The following IRAK1BP1 variants were observed in gnomAD, a reference collection of about 807,000 sequenced individuals.
IRAK1BP1 encodes the protein interleukin 1 receptor associated kinase 1 binding protein 1, also known as interleukin-1 receptor-associated kinase 1-binding protein 1.
A neutral mutation model predicts 28.0 loss-of-function variants in IRAK1BP1; 24 were observed. The observed-to-expected ratio is 0.86, with a 90% CI of 0.62 to 1.20. IRAK1BP1 has a LOEUF of 1.20. Ranked by LOEUF, IRAK1BP1 falls within the 50% of genes most tolerant of loss-of-function variation. The probability of loss-of-function intolerance (pLI) is 0.00; values close to 1 mark genes in which losing one functional copy is unlikely to be tolerated. For missense variants in IRAK1BP1, 336 were observed against 316.7 expected (o/e 1.06, Z -0.46); for synonymous variants, 131 against 116.3 (o/e 1.13, Z -0.81).
At chr6:78,954,682 G>C in the IRAK1BP1 span, 1 of 596,650 alleles carries the variant, frequency 1.7e-6, no homozygotes, top group Non-Finnish European at 2.7e-6. Flanking sequence ...GTAGCCAAAT[G>C]GATAATGAGA....
intron 1 of IRAK1BP1, among the ~76,000 whole-genome samples, chr6:78,869,872 G>T (rs1770730525): frequency 6.6e-6 from 1 of 151,732 alleles, no homozygotes; most frequent in Non-Finnish European, 1.5e-5. Flanking sequence ...ACTTTGGGAG[G>T]CCGAGGAGGG....
downstream of IRAK1BP1, among the ~76,000 whole-genome samples, chr6:78,905,500 G>A (rs944791675): frequency 1.3e-5 from 2 of 152,182 alleles, no homozygotes; most frequent in Admixed American, 1.3e-4. Context: ...TGAAGAAACA[G>A]TAAATTCCTT....
chr6:78,883,859 C>T (rs1218726710), intron 1 of IRAK1BP1, among the ~76,000 whole-genome samples: 9 of 152,046 alleles, frequency 5.9e-5, no homozygotes, highest in East Asian at 1.9e-4. Context: ...AGTGTGTATC[C>T]GTACTGTATG....
At chr6:78,952,205 G>A in the IRAK1BP1 span, among the ~76,000 whole-genome samples, 4 of 151,988 alleles carry the variant, frequency 2.6e-5, no homozygotes, top group East Asian at 3.9e-4. Context: ...CAGATCACAA[G>A]GTCAAGAGAT....
chr6:78,963,191 T>A, the IRAK1BP1 span: 5 of 1,610,884 alleles, frequency 3.1e-6, no homozygotes, highest in Non-Finnish European at 4.2e-6. Context: ...GTTTATAGAT[T>A]AGTGATCTGC....
chr6:78,974,563 C>T, the IRAK1BP1 span, among the ~76,000 whole-genome samples: 5 of 151,908 alleles, frequency 3.3e-5, no homozygotes, highest in Non-Finnish European at 4.4e-5. Context: ...ACAAAAAACC[C>T]TTCAAAAAAT....
chr6:78,969,318 T>C, the IRAK1BP1 span, among the ~76,000 whole-genome samples: 12 of 152,192 alleles, frequency 7.9e-5, no homozygotes, highest in Non-Finnish European at 1.5e-4. Flanking sequence ...ACTGGTCCTA[T>C]ATGAAATTTT....
chr6:78,904,241 A>G (rs971935841), downstream of IRAK1BP1, among the ~76,000 whole-genome samples: 33 of 152,344 alleles, frequency 2.2e-4, no homozygotes, highest in Admixed American at 2.0e-3. Context: ...GCAACAACAT[A>G]CATTCTGTTG....
intron 4 of IRAK1BP1, among the ~76,000 whole-genome samples, chr6:78,917,152 G>C (rs1160670123): frequency 2.0e-5 from 3 of 151,802 alleles, no homozygotes; most frequent in Non-Finnish European, 4.4e-5. Flanking sequence ...TCCAAGACAA[G>C]GTTGAAAATA....
At chr6:78,868,130 A>G (rs930459196) in intron 1 of IRAK1BP1, among the ~76,000 whole-genome samples, 1 of 152,198 alleles carries the variant, frequency 6.6e-6, no homozygotes, top group Non-Finnish European at 1.5e-5. Flanking sequence ...AAAGAATGCA[A>G]ATTGGGTAGG....
the IRAK1BP1 span, chr6:78,956,265 T>C: frequency 6.6e-6 from 1 of 152,278 alleles, no homozygotes; most frequent in African/African-American, 2.4e-5. Context: ...TGGTTTTTCA[T>C]TATTCTTTCC....
intron 4 of IRAK1BP1, among the ~76,000 whole-genome samples, chr6:78,926,946 G>A (rs1772906042): frequency 1.3e-5 from 2 of 152,138 alleles, no homozygotes; most frequent in African/African-American, 2.4e-5. Context: ...CCATTCATTT[G>A]TTGATGGACA....
the IRAK1BP1 span, chr6:78,954,756 C>A: frequency 9.6e-7 from 1 of 1,043,110 alleles, no homozygotes; most frequent in Non-Finnish European, 1.4e-6. Flanking sequence ...AGCCAACTGT[C>A]ATGTAAAAGG....
chr6:78,957,742 T>C, the IRAK1BP1 span: 1 of 151,908 alleles, frequency 6.6e-6, no homozygotes, highest in Non-Finnish European at 1.5e-5. Context: ...TTGTACAAAA[T>C]ATAGAATTCA....
At chr6:78,973,378 C>T in the IRAK1BP1 span, among the ~76,000 whole-genome samples, 91 of 150,010 alleles carry the variant, frequency 6.1e-4, no homozygotes, top group South Asian at 6.9e-3. Context: ...CTGAAGGAAG[C>T]GCTAAACATG....
At chr6:78,947,499 GACA>G (rs2127683480), downstream of IRAK1BP1, 2 of 556,598 alleles carry the variant, frequency 3.6e-6, no homozygotes, top group Non-Finnish European at 6.3e-6. Context: ...TTTCCAGTAG[GACA>G]ACATTAAGAA....
intron 4 of IRAK1BP1, among the ~76,000 whole-genome samples, chr6:78,927,200 C>T (rs1046611704): frequency 3.3e-5 from 5 of 152,108 alleles, no homozygotes; most frequent in Admixed American, 6.6e-5. Context: ...CACATCCTCG[C>T]CAACATTTGT....
rs1004218174 is a variant in IRAK1BP1, at chr6:78,901,787, C to T, written c.*3453C>T. The T allele has an allele frequency of 1.6e-4, 24 of 152,148 alleles. No homozygotes were observed. Among genetic ancestry groups the T allele is most frequent in the African/African-American group, 4.3e-4 (18 of 41,526 alleles). 9.4% of individuals were successfully genotyped at this position (152,148 alleles called of 1,614,324 possible). On this transcript the variant is annotated 3_prime_UTR_variant, in exon 4 of 4. Transcript: ENST00000369940. Reference sequence around the variant, plus strand: ...TACTTTTATCAGTATTCTTATTTGACGGTCAATTTGAGTTCAGTGTAAACA... The same window carrying T: ...TACTTTTATCAGTATTCTTATTTGATGGTCAATTTGAGTTCAGTGTAAACA...
Position 78,898,252 on chromosome 6 carries a change from A to C in IRAK1BP1, c.701A>C (p.Lys234Thr). The change falls in exon 4 of 4, where the codon AAA becomes ACA. Residue 234 changes from lysine (K) to threonine (T), a missense_variant. Lys to Thr is a moderately conservative substitution (Grantham distance 78, BLOSUM62 -1). Coordinates refer to ENST00000369940, the MANE Select transcript of IRAK1BP1 (RefSeq NM_001010844.4). ...SSSLTVQQKI[K>T]SATIHAASKV... is the part of the protein sequence containing the mutation. ...TCATTAACTGTACAACAAAAAATCAAAAGTGCAACAATACATGCTGCTTCA... is the reference window on the plus strand; with the variant it reads ...TCATTAACTGTACAACAAAAAATCACAAGTGCAACAATACATGCTGCTTCA... 6.2e-7 allele frequency: 1 copy of C among 1,613,372 alleles called. No homozygotes were observed. Among genetic ancestry groups the C allele is most frequent in the South Asian group, 1.1e-5 (1 of 91,014 alleles).
Sources: gnomAD v4.1 joint callset for allele counts (sites outside exome capture counted in the v4.1 genomes callset) on GRCh38, gnomAD v4.1.1 for gene constraint, MANE v1.5 for transcripts, NCBI Gene and HGNC (gene_info 2026-07-23, HGNC 2026-07-21) for gene names.